LMTK2: variants seen among roughly 807,000 people sequenced by gnomAD.
LMTK2 encodes serine/threonine-protein kinase LMTK2.
In LMTK2, 37 loss-of-function variants were observed where a neutral mutation model predicts 127.5. That is an observed-to-expected ratio of 0.29 (90% CI 0.22 to 0.38). The LOEUF (loss-of-function observed/expected upper bound fraction) is 0.38, where lower values mean the gene tolerates loss of function less well. Ranked by LOEUF, LMTK2 falls within the 10% of genes least tolerant of loss-of-function variation. The pLI is 1.00. For synonymous variants in LMTK2, 819 were observed against 810.1 expected, an observed-to-expected ratio of 1.01 and a Z score of -0.19; for missense variants, 1,694 against 1,920.3, an observed-to-expected ratio of 0.88 and a Z score of 2.20.
At chr7:98,123,756 C>T (rs1438617804) in intron 1 of LMTK2, among the ~76,000 whole-genome samples, 2 of 152,142 alleles carry the variant, frequency 1.3e-5, no homozygotes, top group Non-Finnish European at 2.9e-5. Flanking sequence ...TATATATGCA[C>T]ACACTTTTTG....
At chr7:98,166,689 T>C (rs1797106496) in intron 6 of LMTK2, among the ~76,000 whole-genome samples, 1 of 152,218 alleles carries the variant, frequency 6.6e-6, no homozygotes, top group Non-Finnish European at 1.5e-5. Context: ...TACACTGTTT[T>C]CAGTGCAGTA....
intron 1 of LMTK2, among the ~76,000 whole-genome samples, chr7:98,107,651 G>A (rs1347147421): frequency 6.6e-6 from 1 of 152,136 alleles, no homozygotes; most frequent in Admixed American, 6.5e-5. Context: ...CATCTCATAA[G>A]AACCGTTTCT....
intron 4 of LMTK2, among the ~76,000 whole-genome samples, chr7:98,152,117 G>A (rs1166948177): frequency 3.9e-5 from 6 of 152,052 alleles, no homozygotes; most frequent in Non-Finnish European, 7.4e-5. Context: ...TCCCCTTATA[G>A]CACTTAAGCC....
chr7:98,187,586 A>G (rs1204296550), intron 9 of LMTK2, among the ~76,000 whole-genome samples: 6 of 150,752 alleles, frequency 4.0e-5, no homozygotes, highest in South Asian at 4.2e-4. Context: ...AGTGATATAT[A>G]TATATGTTTT....
chr7:98,176,895 C>T (rs1054043695), intron 7 of LMTK2, among the ~76,000 whole-genome samples: 1 of 152,204 alleles, frequency 6.6e-6, no homozygotes, highest in Non-Finnish European at 1.5e-5. Flanking sequence ...AGCTACTTTA[C>T]ACCAACTCTT....
chr7:98,200,265 A>G (rs113656600), intron 11 of LMTK2, among the ~76,000 whole-genome samples: 7 of 152,152 alleles, frequency 4.6e-5, no homozygotes, highest in African/African-American at 9.7e-5. Flanking sequence ...ATGCTCTTCT[A>G]TGTTGCATAC....
chr7:98,157,766 A>G (rs1199597993), intron 5 of LMTK2, among the ~76,000 whole-genome samples: 1 of 152,206 alleles, frequency 6.6e-6, no homozygotes, highest in Non-Finnish European at 1.5e-5. Context: ...CATTTATATA[A>G]TATTCTTAGA....
In LMTK2 at chr7:98,191,501, G is replaced by A. The variant is rs186832762; in HGVS notation, c.1149-113G>A. On this transcript the variant is annotated intron_variant, in intron 10 of 13. Coordinates refer to ENST00000297293, the MANE Select transcript of LMTK2 (RefSeq NM_014916.4). Reference sequence around the variant, plus strand: ...CAGGAGGCAGAGGTTGCAGTGAGCCGGGATCATGCCACTGCACTCCAGACT... The same window carrying A: ...CAGGAGGCAGAGGTTGCAGTGAGCCAGGATCATGCCACTGCACTCCAGACT... 1.1e-3 allele frequency: 916 copies of A among 805,732 alleles called. 3 individuals carry two copies. The African/African-American group carries it at 0.014, about 13-fold the overall frequency. The allele number at this position is 805,732 out of a possible 1,614,324, so 49.9% of individuals were successfully genotyped here.
In LMTK2 at chr7:98,191,658, C is replaced by A; in HGVS notation, c.1193C>A (p.Pro398His). ...TGTTGGCTGTCACCAGAAAAGAGAC[C>A]CGCGGCTGAAGATGTGCACAGGCTG... is the stretch of plus-strand genomic sequence containing the variant. ...QFCWLSPEKRPAAEDVHRLLT... is the reference protein window; with the variant it reads ...QFCWLSPEKRHAAEDVHRLLT... Residue 398 changes from proline to histidine, a missense_variant, in exon 11 of 14, where the codon CCC becomes CAC. Pro to His is a moderately conservative substitution (Grantham distance 77). Transcript: ENST00000297293. 1 of 1,613,070 alleles carries A rather than the reference C, an allele frequency of 6.2e-7. No homozygotes were observed. The highest frequency in any genetic ancestry group is 8.5e-7 in the Non-Finnish European group (1 of 1,179,440).
Position 98,193,767 on chromosome 7 carries a change from G to T in LMTK2, c.3302G>T (p.Arg1101Leu). 4 of 1,613,980 alleles carry T rather than the reference G, an allele frequency of 2.5e-6. No individual in the cohort carries two copies. Among genetic ancestry groups the T allele is most frequent in the Non-Finnish European group, 3.4e-6 (4 of 1,180,014 alleles). ...TFTAGSQGSY[R>L]DSAYFSDNDS... is the part of the protein sequence containing the mutation. The stretch of plus-strand genomic sequence containing the variant: ...ACAGCTGGCTCCCAGGGTTCATACC[G>T]AGACTCTGCGTACTTCTCAGACAAT... Residue 1101 changes from arginine to leucine, a missense_variant, in exon 11 of 14, where the codon CGA becomes CTA. Arg to Leu is a moderately radical substitution (Grantham distance 102). Coordinates refer to ENST00000297293, the MANE Select transcript of LMTK2 (RefSeq NM_014916.4). The surrounding 1 kb of genome is among the most constrained non-coding windows in gnomAD (Gnocchi z 4.1).
rs1043477913 is a variant in LMTK2, at chr7:98,206,712, A to G, written c.*1220A>G. ...TTCAGGTGGTGGGGACTTGAGCTTT[A>G]AAAAAACCTCCACAGCCGAATCTTC... On this transcript the variant is annotated 3_prime_UTR_variant, in exon 14 of 14. Coordinates refer to ENST00000297293, the MANE Select transcript of LMTK2 (RefSeq NM_014916.4). The G allele has an allele frequency of 6.6e-6, 1 of 152,134 alleles. No individual in the cohort carries two copies. The highest frequency in any genetic ancestry group is 2.4e-5 in the African/African-American group (1 of 41,378). 9.4% of individuals were successfully genotyped at this position (152,134 alleles called of 1,614,324 possible).
intron 7 of LMTK2, among the ~76,000 whole-genome samples, chr7:98,182,877 AC>A (rs1584286436): frequency 6.6e-6 from 1 of 152,202 alleles, no homozygotes; most frequent in South Asian, 2.1e-4. Context: ...GTCTGAATGA[AC>A]TCATCCTCTC....
chr7:98,179,498 G>A (rs973196308), intron 7 of LMTK2, among the ~76,000 whole-genome samples: 4 of 152,130 alleles, frequency 2.6e-5, no homozygotes, highest in African/African-American at 7.2e-5. Flanking sequence ...CTCTGCAGTC[G>A]CAGCTGTTGG....
chr7:98,140,909 T>C (rs562878266), intron 2 of LMTK2, among the ~76,000 whole-genome samples: 5 of 151,410 alleles, frequency 3.3e-5, no homozygotes, highest in Non-Finnish European at 7.4e-5. Context: ...TTCAAAAAAT[T>C]ACCTGGGCGT....
At chr7:98,190,631 A>G (rs578231490) in intron 9 of LMTK2, 97 bp from the exon 10 acceptor site, 1 of 1,107,274 alleles carries the variant, frequency 9.0e-7, no homozygotes, top group South Asian at 1.3e-5. Context: ...TTCAATACAC[A>G]CCTTGTCCTT....
chr7:98,150,118 G>T (rs552174333), intron 3 of LMTK2, among the ~76,000 whole-genome samples: 100 of 152,150 alleles, frequency 6.6e-4, no homozygotes, highest in Admixed American at 3.9e-4. Flanking sequence ...GACCAGCCTG[G>T]TCAATATGGT....
chr7:98,107,450 G>C (rs1279507493), intron 1 of LMTK2, among the ~76,000 whole-genome samples, 170 bp downstream of exon 1: 10 of 151,520 alleles, frequency 6.6e-5, no homozygotes, highest in South Asian at 2.1e-4. Context: ...GTGGGATTTG[G>C]GGGGGCGGGA....
chr7:98,194,046 C>T lies in LMTK2; in HGVS notation c.3581C>T (p.Thr1194Met), dbSNP rs1032225339. ...GGTGTTCCCCAGCAGGTGCATCCCA[C>T]GGAAGACGAGGCCAGCAGTCCCTGG... is the stretch of plus-strand genomic sequence containing the variant. ...QTGVPQQVHP[T>M]EDEASSPWSV... The change falls in exon 11 of 14, where the codon ACG (threonine) becomes ATG (methionine). Residue 1194 changes from threonine (T) to methionine (M), a missense_variant. This residue lies in a region of LMTK2 where 554 missense variants were observed against 567.7 expected (regional missense o/e 0.98). Coordinates refer to ENST00000297293, the MANE Select transcript of LMTK2 (RefSeq NM_014916.4). This position sits in a 1 kb window ranked among gnomAD's most constrained non-coding sequence, Gnocchi z 5.4. 18 of 1,614,004 alleles carry T rather than the reference C, an allele frequency of 1.1e-5. No homozygotes were observed. Among genetic ancestry groups the T allele is most frequent in the Admixed American group, 6.7e-5 (4 of 60,006 alleles).
chr7:98,168,974 A>G (rs1797146097), intron 6 of LMTK2, among the ~76,000 whole-genome samples: 1 of 152,244 alleles, frequency 6.6e-6, no homozygotes, highest in African/African-American at 2.4e-5. Context: ...ACTAAGCACC[A>G]TTAAAGTACA....
Sources: allele counts gnomAD v4.1 joint callset (sites outside exome capture counted in the v4.1 genomes callset), GRCh38; gene constraint gnomAD v4.1.1; regional missense constraint gnomAD v4.1.1; non-coding constraint Gnocchi (gnomAD v3.1); transcripts MANE v1.5; gene names NCBI Gene and HGNC (gene_info 2026-07-23, HGNC 2026-07-21).